Variants in ELOVL5 observed in about 807,000 individuals in gnomAD.
ELOVL5 encodes ELOVL fatty acid elongase 5, also known as very long chain fatty acid elongase 5.
Under a neutral mutation model 38.6 loss-of-function variants are expected in ELOVL5, and 8 were observed. The observed-to-expected ratio is 0.21, with a 90% CI of 0.12 to 0.37. ELOVL5 has a LOEUF of 0.37. Among genes scored for constraint, ELOVL5 ranks in the 10% least tolerant of loss-of-function variants. The probability of loss-of-function intolerance (pLI) is 1.00; values close to 1 mark genes in which losing one functional copy is unlikely to be tolerated. For synonymous variants in ELOVL5, 127 were observed against 133.7 expected, an observed-to-expected ratio of 0.95 and a Z score of 0.34; for missense variants, 280 against 367.8, an observed-to-expected ratio of 0.76 and a Z score of 1.95.
chr6:53,280,592 G>A (rs564128604), intron 3 of ELOVL5, among the ~76,000 whole-genome samples: 7 of 152,256 alleles, frequency 4.6e-5, no homozygotes, highest in African/African-American at 1.7e-4. Flanking sequence ...ATAATTCATG[G>A]AGTGAATCTT....
At chr6:53,330,517 C>CT (rs757160862) in intron 1 of ELOVL5, among the ~76,000 whole-genome samples, 4,727 of 91,150 alleles carry the variant, frequency 0.052, 666 homozygotes, top group African/African-American at 0.18. Context: ...TCTTTATAAA[C>CT]TTTTTTTTTT....
chr6:53,305,020 C>T (rs1359277900), intron 1 of ELOVL5, among the ~76,000 whole-genome samples: 2 of 151,476 alleles, frequency 1.3e-5, no homozygotes, highest in Admixed American at 1.3e-4. Context: ...AGGCGCCCCT[C>T]ACCTCCCGGA....
intron 1 of ELOVL5, among the ~76,000 whole-genome samples, chr6:53,324,123 C>G (rs1463333297): frequency 6.6e-6 from 1 of 151,476 alleles, no homozygotes; most frequent in African/African-American, 2.4e-5. Flanking sequence ...CATGGTGGCA[C>G]ACGCTTGTAA....
chr6:53,287,763 G>T, intron 3 of ELOVL5: 1 of 1,062,648 alleles, frequency 9.4e-7, no homozygotes, highest in Non-Finnish European at 1.4e-6. Context: ...GATCGGCTAA[G>T]AAAGGCCGGA....
At chr6:53,287,717 G>A (rs1287344871) in intron 3 of ELOVL5, 3 of 669,386 alleles carry the variant, frequency 4.5e-6, no homozygotes, top group East Asian at 5.5e-5. Context: ...GAAAGAGCCT[G>A]GTGTTGCTGG....
chr6:53,326,448 C>T (rs1408105291), intron 1 of ELOVL5, among the ~76,000 whole-genome samples: 1 of 152,124 alleles, frequency 6.6e-6, no homozygotes, highest in African/African-American at 2.4e-5. Flanking sequence ...CCAACTTCTG[C>T]CGTCCCCTCT....
chr6:53,287,707 G>GA (rs1434184141), intron 3 of ELOVL5, among the ~76,000 whole-genome samples: 2 of 152,222 alleles, frequency 1.3e-5, no homozygotes, highest in Non-Finnish European at 1.5e-5. Flanking sequence ...CCAGAAGAAT[G>GA]AAAGAGCCTG....
At chr6:53,341,881 A>G (rs1056925762) in intron 1 of ELOVL5, among the ~76,000 whole-genome samples, 1 of 152,178 alleles carries the variant, frequency 6.6e-6, no homozygotes, top group African/African-American at 2.4e-5. Flanking sequence ...AATACCCTCC[A>G]AAGTAGGCAC....
chr6:53,286,669 A>AT (rs1451242772), intron 3 of ELOVL5, among the ~76,000 whole-genome samples: 4 of 152,232 alleles, frequency 2.6e-5, no homozygotes, highest in Admixed American at 2.6e-4. Flanking sequence ...TACAAAGCAG[A>AT]TAAAATGAAT....
chr6:53,325,300 C>T (rs1381025269), intron 1 of ELOVL5, among the ~76,000 whole-genome samples: 2 of 152,264 alleles, frequency 1.3e-5, no homozygotes, highest in South Asian at 2.1e-4. Context: ...CAATCTAAAA[C>T]ACAACTTCTA....
At chr6:53,306,781 TAGA>T (rs750719905) in intron 1 of ELOVL5, among the ~76,000 whole-genome samples, 36 of 152,326 alleles carry the variant, frequency 2.4e-4, no homozygotes, top group Admixed American at 7.8e-4. Context: ...CTTTTGAAAC[TAGA>T]AGAAGAAGTG....
At chr6:53,294,357 C>A (rs532905288) in intron 2 of ELOVL5, 2 of 1,571,734 alleles carry the variant, frequency 1.3e-6, no homozygotes, top group Non-Finnish European at 8.6e-7. Flanking sequence ...CTCTGGGAAA[C>A]AACTTCTTTA....
chr6:53,321,289 T>A (rs533161962), intron 1 of ELOVL5, among the ~76,000 whole-genome samples: 10 of 152,364 alleles, frequency 6.6e-5, no homozygotes, highest in Admixed American at 5.2e-4. Context: ...GCAGACATCA[T>A]GCGCATCACC....
intron 5 of ELOVL5, among the ~76,000 whole-genome samples, chr6:53,273,634 G>A (rs1195218893): frequency 1.3e-5 from 2 of 152,224 alleles, no homozygotes; most frequent in Non-Finnish European, 2.9e-5. Flanking sequence ...AGGCTTTGCT[G>A]CAGATGCCCA....
intron 1 of ELOVL5, among the ~76,000 whole-genome samples, chr6:53,307,880 A>G (rs1767658908): frequency 6.6e-6 from 1 of 152,130 alleles, no homozygotes. Context: ...TTCATTTACC[A>G]TAACTGAAAA....
rs1475540381 is a variant in ELOVL5 at position 53,324,261 on chromosome 6, A to G, written c.-9+24556T>C. 5.9e-5 allele frequency among the ~76,000 whole-genome samples: 9 copies of G among 151,678 alleles called. No homozygotes were observed. The East Asian group carries it at 1.5e-3, about 26-fold the overall frequency. On this transcript the variant is annotated intron_variant, in intron 1 of 7. Coordinates refer to ENST00000304434, the MANE Select transcript of ELOVL5 (RefSeq NM_021814.5). ...GAACGAGACTCTACCTCAAAAAAAA[A>G]AAAAAAAAAAAAAAGAAAAAAAAGA... is the stretch of plus-strand genomic sequence containing the variant.
At chr6:53,287,963 T>C (rs1488198108) in intron 3 of ELOVL5, 2 of 1,528,924 alleles carry the variant, frequency 1.3e-6, no homozygotes, top group South Asian at 1.2e-5. Context: ...CACAATTAGA[T>C]CCTCTCTGCT....
chr6:53,282,105 A>T (rs913316538), intron 3 of ELOVL5, among the ~76,000 whole-genome samples: 1 of 152,190 alleles, frequency 6.6e-6, no homozygotes, highest in African/African-American at 2.4e-5. Context: ...TAAGCATTAG[A>T]TTAGTTAGCC....
chr6:53,308,165 A>G (rs1480995624), intron 1 of ELOVL5, among the ~76,000 whole-genome samples: 1 of 152,226 alleles, frequency 6.6e-6, no homozygotes, highest in East Asian at 1.9e-4. Context: ...GAGTTCTTTA[A>G]GATCTCTGTA....
Sources: allele counts gnomAD v4.1 joint callset (sites outside exome capture counted in the v4.1 genomes callset), GRCh38; gene constraint gnomAD v4.1.1; transcripts MANE v1.5; gene names NCBI Gene and HGNC (gene_info 2026-07-23, HGNC 2026-07-21).